Variants in SLC9A9 observed in about 807,000 individuals in gnomAD.
SLC9A9 encodes the protein solute carrier family 9 member A9.
SLC9A9 carries 62 observed loss-of-function variants against 77.8 expected under a neutral mutation model. The observed-to-expected ratio is 0.80, with a 90% CI of 0.65 to 0.98. SLC9A9 has a LOEUF of 0.98. Among genes scored for constraint, SLC9A9 ranks in the 50% least tolerant of loss-of-function variants. SLC9A9 has a pLI of 0.00. For missense variants in SLC9A9, 775 were observed against 774.9 expected (o/e 1.00, Z 0.00); for synonymous variants, 320 against 283.5 (o/e 1.13, Z -1.29).
chr3:143,299,797 C>T (rs910277103), intron 14 of SLC9A9, among the ~76,000 whole-genome samples: 1 of 152,122 alleles, frequency 6.6e-6, no homozygotes, highest in African/African-American at 2.4e-5. Flanking sequence ...TGGTTATGGG[C>T]CCATACTTTG....
At chr3:143,489,669 CAAATT>C (rs1163198681) in intron 11 of SLC9A9, among the ~76,000 whole-genome samples, 2 of 151,768 alleles carry the variant, frequency 1.3e-5, no homozygotes, top group Non-Finnish European at 2.9e-5. Flanking sequence ...AAAAAATAGA[CAAATT>C]AAATTTCTTG....
chr3:143,693,209 A>C lies in SLC9A9; in HGVS notation c.632T>G (p.Met211Arg), dbSNP rs201550747. The C allele has an allele frequency of 8.7e-6, 14 of 1,612,950 alleles. No homozygotes were observed. In the East Asian group the frequency reaches 3.1e-4, roughly 36 times the overall value. ...FTDCLFFGSL[M>R]SATDPVTVLA... ...GCAATTACCTGGATCTGTAGCAGAC[A>C]TCAGTGAACCAAAAAATAAACAGTC... Residue 211 changes from methionine (M) to arginine (R), a missense_variant, in exon 5 of 16, where the codon ATG becomes AGG. By Grantham distance (91) the Met-to-Arg change is moderately conservative. Coordinates refer to ENST00000316549, the MANE Select transcript of SLC9A9 (RefSeq NM_173653.4).
chr3:143,334,629 G>A (rs1035470337), intron 14 of SLC9A9, among the ~76,000 whole-genome samples: 15 of 152,198 alleles, frequency 9.9e-5, no homozygotes, highest in Admixed American at 9.8e-4. Context: ...AATCATGCAT[G>A]TAAGGTATGT....
intron 12 of SLC9A9, among the ~76,000 whole-genome samples, chr3:143,411,645 C>A (rs930491585): frequency 6.6e-6 from 1 of 152,120 alleles, no homozygotes; most frequent in African/African-American, 2.4e-5. Context: ...CTAATTATAT[C>A]TTTGTTCTAA....
intron 13 of SLC9A9, among the ~76,000 whole-genome samples, chr3:143,371,479 T>G (rs184602473): frequency 7.5e-4 from 114 of 152,254 alleles, no homozygotes; most frequent in Non-Finnish European, 1.2e-3. Context: ...TCATAAGACA[T>G]AGCATATCAT....
At chr3:143,480,710 T>C (rs776965895) in intron 11 of SLC9A9, among the ~76,000 whole-genome samples, 7 of 152,216 alleles carry the variant, frequency 4.6e-5, no homozygotes, top group Non-Finnish European at 8.8e-5. Flanking sequence ...TCCTGACCTC[T>C]GCCCGGTTAG....
intron 6 of SLC9A9, among the ~76,000 whole-genome samples, chr3:143,593,918 A>G (rs2037706232): frequency 6.6e-6 from 1 of 152,180 alleles, no homozygotes; most frequent in African/African-American, 2.4e-5. Flanking sequence ...AATAAAATGG[A>G]GTCTCAGAGA....
intron 15 of SLC9A9, among the ~76,000 whole-genome samples, chr3:143,267,475 G>A (rs1307640461): frequency 6.6e-6 from 1 of 150,908 alleles, no homozygotes; most frequent in Non-Finnish European, 1.5e-5. Flanking sequence ...TCAGCCTCGC[G>A]AGTAGCTGGG....
intron 6 of SLC9A9, among the ~76,000 whole-genome samples, chr3:143,623,915 A>G (rs1018754406): frequency 2.0e-5 from 3 of 152,192 alleles, no homozygotes; most frequent in African/African-American, 4.8e-5. Flanking sequence ...AGACGCAATA[A>G]AAAATGATAA....
At chr3:143,744,156 G>GC (rs1350326230) in intron 4 of SLC9A9, among the ~76,000 whole-genome samples, 13 of 152,052 alleles carry the variant, frequency 8.5e-5, no homozygotes, top group Admixed American at 2.6e-4. Context: ...AATTTTTAGT[G>GC]CCCCCCAGCT....
chr3:143,848,128 C>A lies in SLC9A9; in HGVS notation c.175+20G>T. On this transcript the variant is annotated intron_variant, in intron 1 of 15. Coordinates refer to ENST00000316549, the MANE Select transcript of SLC9A9 (RefSeq NM_173653.4). ...CTCAAGCAACAAGTTTCACATCAAT[C>A]TCACAATTTATGCACTCACCATACA... 1 of 1,607,366 alleles carries A rather than the reference C, an allele frequency of 6.2e-7. No homozygotes were observed. Among genetic ancestry groups the A allele is most frequent in the Non-Finnish European group, 8.5e-7 (1 of 1,173,944 alleles).
intron 4 of SLC9A9, among the ~76,000 whole-genome samples, chr3:143,720,964 T>C (rs1934482680): frequency 6.6e-6 from 1 of 152,216 alleles, no homozygotes; most frequent in Non-Finnish European, 1.5e-5. Flanking sequence ...ATCCCAACAC[T>C]TGGGGAGGCC....
At chr3:143,542,185 T>C (rs2036701177) in intron 9 of SLC9A9, among the ~76,000 whole-genome samples, 1 of 152,230 alleles carries the variant, frequency 6.6e-6, no homozygotes, top group Non-Finnish European at 1.5e-5. Context: ...ATGTCCTTTA[T>C]ACAATATAAT....
intron 4 of SLC9A9, among the ~76,000 whole-genome samples, chr3:143,785,845 C>CTTTTTTTTTT (rs57552730): frequency 8.9e-6 from 1 of 112,992 alleles, no homozygotes; most frequent in Non-Finnish European, 1.9e-5. Context: ...TTGAATTTTT[C>CTTTTTTTTTT]TTTTTTTTTT....
At chr3:143,667,598 T>C (rs187117214) in intron 5 of SLC9A9, among the ~76,000 whole-genome samples, 1 of 152,292 alleles carries the variant, frequency 6.6e-6, no homozygotes, top group East Asian at 1.9e-4. Flanking sequence ...AAAGGGCTAA[T>C]ATCCAGAATC....
intron 1 of SLC9A9, among the ~76,000 whole-genome samples, chr3:143,837,883 C>A (rs1475482213): frequency 6.6e-6 from 1 of 152,166 alleles, no homozygotes; most frequent in Non-Finnish European, 1.5e-5. Context: ...GGACACCAGG[C>A]ACTGGCATAG....
chr3:143,772,104 G>A (rs1008230025), intron 4 of SLC9A9, among the ~76,000 whole-genome samples: 2 of 151,730 alleles, frequency 1.3e-5, no homozygotes, highest in African/African-American at 4.8e-5. Context: ...CACTGCCTGA[G>A]AGTGGCACAG....
intron 4 of SLC9A9, among the ~76,000 whole-genome samples, chr3:143,788,279 G>T (rs994839205): frequency 6.6e-6 from 1 of 152,182 alleles, no homozygotes; most frequent in African/African-American, 2.4e-5. Flanking sequence ...AGAAGAGAAT[G>T]TCTTTCTGAC....
intron 12 of SLC9A9, among the ~76,000 whole-genome samples, chr3:143,454,235 T>G (rs1351628303): frequency 2.0e-5 from 3 of 152,208 alleles, no homozygotes; most frequent in Non-Finnish European, 2.9e-5. Flanking sequence ...CTAAAGTGAT[T>G]TACAGATTGG....
Sources: gnomAD v4.1 joint callset for allele counts (sites outside exome capture counted in the v4.1 genomes callset) on GRCh38, gnomAD v4.1.1 for gene constraint, MANE v1.5 for transcripts, NCBI Gene and HGNC (gene_info 2026-07-23, HGNC 2026-07-21) for gene names.